The following SLC8A1 variants were observed in gnomAD, a reference collection of about 807,000 sequenced individuals.
The protein encoded by SLC8A1 is solute carrier family 8 member A1.
SLC8A1 carries 18 observed loss-of-function variants against 68.3 expected under a neutral mutation model. The ratio of observed to expected loss-of-function variants is 0.26; its 90% CI spans 0.18 to 0.39. SLC8A1 has a LOEUF of 0.39. SLC8A1 is among the 10% of genes least tolerant of loss of function. The pLI, the probability that SLC8A1 is intolerant of heterozygous loss-of-function variation, is 1.00. For missense variants in SLC8A1, 985 were observed against 1,156.7 expected, an observed-to-expected ratio of 0.85 and a Z score of 2.15; for synonymous variants, 475 against 415.5, an observed-to-expected ratio of 1.14 and a Z score of -1.74.
chr2:40,318,065 G>A (rs76827223), intron 2 of SLC8A1, among the ~76,000 whole-genome samples: 4,218 of 152,082 alleles, frequency 0.028, 114 homozygotes, highest in Non-Finnish European at 0.038. Context: ...ATGGATTCAC[G>A]GCAACAAGTA....
intron 2 of SLC8A1, among the ~76,000 whole-genome samples, chr2:40,309,690 G>C (rs894174067): frequency 6.6e-6 from 1 of 151,938 alleles, no homozygotes; most frequent in Non-Finnish European, 1.5e-5. Flanking sequence ...ATTTTCAGTA[G>C]AGACAGGGTT....
chr2:40,436,506 C>T (rs17026014), intron 1 of SLC8A1, among the ~76,000 whole-genome samples: 7,485 of 152,200 alleles, frequency 0.049, 364 homozygotes, highest in East Asian at 0.25. Flanking sequence ...ATAACGAGAG[C>T]ACCTGGGCCC....
chr2:40,416,045 GCT>G (rs1284861951), intron 2 of SLC8A1, among the ~76,000 whole-genome samples: 1 of 137,864 alleles, frequency 7.3e-6, no homozygotes, highest in African/African-American at 2.8e-5. Context: ...ATTGAGCGAG[GCT>G]CTGTTTTAAA....
In SLC8A1 at chr2:40,278,862, G is replaced by C. The variant is rs182185944; in HGVS notation, c.1809-101007C>G. Among the ~76,000 whole-genome samples the C allele has an allele frequency of 5.3e-5, 8 of 151,960 alleles. No individual in the cohort carries two copies. The East Asian group carries it at 1.4e-3, about 26-fold the overall frequency. ...TTTAAATCAGTATTATTTATTAAAA[G>C]GTTTTTTTTAAATTATTATTTGGTA... is the stretch of plus-strand genomic sequence containing the variant. On this transcript the variant is annotated intron_variant, in intron 2 of 7. Transcript: ENST00000406785.
intron 2 of SLC8A1, among the ~76,000 whole-genome samples, chr2:40,395,546 C>T (rs1189529035): frequency 3.3e-5 from 5 of 152,054 alleles, no homozygotes; most frequent in Non-Finnish European, 7.3e-5. Context: ...AGAAATGCCA[C>T]CTACTTGGAT....
chr2:40,173,032 A>G (rs553482443), intron 4 of SLC8A1, among the ~76,000 whole-genome samples: 3 of 152,336 alleles, frequency 2.0e-5, no homozygotes, highest in East Asian at 3.9e-4. Flanking sequence ...GCATCCTAGT[A>G]GCCACAAGTT....
At chr2:40,410,913 T>C (rs1028439430) in intron 2 of SLC8A1, among the ~76,000 whole-genome samples, 6 of 152,064 alleles carry the variant, frequency 3.9e-5, no homozygotes, top group Admixed American at 3.9e-4. Flanking sequence ...GCCATGCACA[T>C]AATACCAGCA....
rs1278121147 is a variant in SLC8A1, at chr2:40,277,792, GTGTATATATATATATATATA to G, written c.1809-99957_1809-99938del. Among the ~76,000 whole-genome samples, 362 of 92,168 alleles carry G rather than the reference GTGTATATATATATATATATA, an allele frequency of 3.9e-3. 1 individual carries two copies. Among genetic ancestry groups the G allele is most frequent in the South Asian group, 0.028 (87 of 3,160 alleles). 60.5% of individuals were successfully genotyped at this position (92,168 alleles called of 152,430 possible). ...CATATGTATAAATATATATATATGT[GTGTATATATATATATATATA>G]TATATATATATATATATATTTGTAA... On this transcript the variant is annotated intron_variant, in intron 2 of 7. Coordinates refer to ENST00000406785, the Ensembl canonical transcript of SLC8A1.
chr2:40,317,953 T>G (rs983331099), intron 2 of SLC8A1, among the ~76,000 whole-genome samples: 1 of 152,092 alleles, frequency 6.6e-6, no homozygotes, highest in African/African-American at 2.4e-5. Context: ...GCACTAACAG[T>G]GCAGATTTCC....
At chr2:40,383,096 AT>A (rs1334348316) in intron 2 of SLC8A1, among the ~76,000 whole-genome samples, 9 of 152,024 alleles carry the variant, frequency 5.9e-5, no homozygotes, top group Admixed American at 5.9e-4. Context: ...CCCTGCTTTG[AT>A]TTTGTTTTTT....
At chr2:40,362,765 A>G (rs914553361) in intron 2 of SLC8A1, among the ~76,000 whole-genome samples, 2 of 152,158 alleles carry the variant, frequency 1.3e-5, no homozygotes, top group African/African-American at 4.8e-5. Flanking sequence ...GCATCCCTCA[A>G]ACATTTAGTA....
At chr2:40,452,805 T>C (rs935571189), upstream of SLC8A1, among the ~76,000 whole-genome samples, 1 of 151,394 alleles carries the variant, frequency 6.6e-6, no homozygotes, top group African/African-American at 2.4e-5. Flanking sequence ...ACAGAGTCTC[T>C]GTGTTGGTAT....
chr2:40,180,803 G>A (rs2049370657), intron 2 of SLC8A1, among the ~76,000 whole-genome samples: 1 of 152,226 alleles, frequency 6.6e-6, no homozygotes, highest in African/African-American at 2.4e-5. Context: ...GATGGTAGAA[G>A]TAGCCTTGCT....
At chr2:40,210,114 A>C (rs530639517) in intron 2 of SLC8A1, 1 of 152,138 alleles carries the variant, frequency 6.6e-6, no homozygotes, top group Non-Finnish European at 1.5e-5. Context: ...ACATCTATCT[A>C]TCTTTGGGGA....
chr2:40,305,212 G>A (rs892438084), intron 2 of SLC8A1, among the ~76,000 whole-genome samples: 3 of 152,194 alleles, frequency 2.0e-5, no homozygotes, highest in South Asian at 4.1e-4. Flanking sequence ...TTCTAGTGGT[G>A]TGAAGCAGTG....
chr2:40,509,420 G>A (rs1423864362), intron 1 of SLC8A1, among the ~76,000 whole-genome samples: 1 of 141,820 alleles, frequency 7.1e-6, no homozygotes, highest in East Asian at 2.1e-4. Flanking sequence ...TTAATCACCT[G>A]ATCAAGGGGA....
At chr2:40,281,569 G>C (rs2067527051) in intron 2 of SLC8A1, among the ~76,000 whole-genome samples, 1 of 152,184 alleles carries the variant, frequency 6.6e-6, no homozygotes, top group African/African-American at 2.4e-5. Context: ...TGCAAAGGGA[G>C]CTACCTTTCC....
chr2:40,415,862 ACACACACAC>A (rs1693680428), intron 2 of SLC8A1, among the ~76,000 whole-genome samples: 1 of 16,632 alleles, frequency 6.0e-5, no homozygotes, highest in South Asian at 5.7e-3. Context: ...AAAAGTATAC[ACACACACAC>A]ACACACACAC....
chr2:40,507,572 T>C (rs1182276570), intron 1 of SLC8A1, among the ~76,000 whole-genome samples: 1 of 152,044 alleles, frequency 6.6e-6, no homozygotes, highest in Non-Finnish European at 1.5e-5. Context: ...TATTATTTGC[T>C]TTCATTTTTA....
Sources: gnomAD v4.1 joint callset for allele counts (sites outside exome capture counted in the v4.1 genomes callset) on GRCh38, gnomAD v4.1.1 for gene constraint, MANE v1.5 for transcripts, NCBI Gene and HGNC (gene_info 2026-07-23, HGNC 2026-07-21) for gene names.